Variants in RNF13 observed in about 807,000 individuals in gnomAD.
The protein encoded by RNF13 is ring finger protein 13, also known as E3 ubiquitin-protein ligase RNF13.
A neutral mutation model predicts 37.7 loss-of-function variants in RNF13; 19 were observed. The ratio of observed to expected loss-of-function variants is 0.50; its 90% confidence interval spans 0.35 to 0.74. The LOEUF (loss-of-function observed/expected upper bound fraction) is 0.74, where lower values mean the gene tolerates loss of function less well. Ranked by LOEUF, RNF13 falls within the 30% of genes least tolerant of loss-of-function variation. The pLI is 0.01. For missense variants in RNF13, 375 were observed against 453.0 expected, an observed-to-expected ratio of 0.83 and a Z score of 1.56; for synonymous variants, 144 against 157.8, an observed-to-expected ratio of 0.91 and a Z score of 0.65.
At position 149,875,185 on chromosome 3, in the gene RNF13, G is replaced by A. The variant is rs150143226; in HGVS notation, c.321+3031G>A. On this transcript the variant is annotated intron_variant, in intron 4 of 9. Transcript: ENST00000392894. ...ACATAATACTACAATTGATGGTAGTGCAGGGTTATATTTTGGCATGCCTCT... is the reference window on the plus strand; with the variant it reads ...ACATAATACTACAATTGATGGTAGTACAGGGTTATATTTTGGCATGCCTCT... 7.2e-5 allele frequency among the ~76,000 whole-genome samples: 11 copies of A among 152,202 alleles called. No individual in the cohort carries two copies. In the East Asian group the frequency reaches 1.9e-3, roughly 27 times the overall value.
At chr3:149,876,672 C>T (rs1426278750) in intron 4 of RNF13, among the ~76,000 whole-genome samples, 1 of 151,358 alleles carries the variant, frequency 6.6e-6, no homozygotes, top group African/African-American at 2.4e-5. Flanking sequence ...CCTCCTTCTA[C>T]TTGTCTGTCT....
intron 1 of RNF13, among the ~76,000 whole-genome samples, chr3:149,844,414 A>G (rs1048070519): frequency 4.6e-5 from 7 of 152,228 alleles, no homozygotes; most frequent in African/African-American, 1.7e-4. Flanking sequence ...AATGTTTACC[A>G]GGGAAGCTCA....
chr3:149,841,813 A>G (rs1722209092), intron 1 of RNF13, among the ~76,000 whole-genome samples: 1 of 152,040 alleles, frequency 6.6e-6, no homozygotes, highest in South Asian at 2.1e-4. Context: ...TATTTTTAGT[A>G]GAGACGGGGT....
intron 1 of RNF13, among the ~76,000 whole-genome samples, chr3:149,824,951 A>G (rs1055182586): frequency 6.9e-6 from 1 of 144,308 alleles, no homozygotes; most frequent in Non-Finnish European, 1.5e-5. Context: ...CCTGTTAGTT[A>G]TTTTTCCTGA....
At chr3:149,910,514 A>T (rs1164884374) in intron 6 of RNF13, among the ~76,000 whole-genome samples, 3 of 152,204 alleles carry the variant, frequency 2.0e-5, no homozygotes, top group Non-Finnish European at 4.4e-5. Flanking sequence ...AAATAATAGC[A>T]TAAAGATTTA....
chr3:149,828,154 T>C (rs16862269), intron 1 of RNF13, among the ~76,000 whole-genome samples: 1,824 of 152,304 alleles, frequency 0.012, 30 homozygotes, highest in African/African-American at 0.041. Context: ...GTTCATTTAG[T>C]CAGTCAGTTA....
chr3:149,910,774 T>C (rs1716923251), intron 6 of RNF13, among the ~76,000 whole-genome samples: 1 of 152,210 alleles, frequency 6.6e-6, no homozygotes, highest in African/African-American at 2.4e-5. Flanking sequence ...CCCAATGGAT[T>C]CATCTGTCAT....
chr3:149,947,871 ATGT>A lies in RNF13; in HGVS notation c.701-12184_701-12182del, dbSNP rs1264674400. On this transcript the variant is annotated intron_variant, in intron 8 of 9. Transcript: ENST00000392894. Reference sequence around the variant, plus strand: ...TCTTAAAGTCTATTCTGTTTGATATATGTATGGCCACTCCTGCTCTCCAGTTTC... The same window carrying A: ...TCTTAAAGTCTATTCTGTTTGATATAATGGCCACTCCTGCTCTCCAGTTTC... Among the ~76,000 whole-genome samples the A allele has an allele frequency of 3.9e-5, 6 of 152,098 alleles. No homozygotes were observed. In the East Asian group the frequency reaches 1.2e-3, roughly 29 times the overall value.
At chr3:149,816,646 A>G (rs1252316396) in intron 1 of RNF13, among the ~76,000 whole-genome samples, 1 of 152,136 alleles carries the variant, frequency 6.6e-6, no homozygotes, top group Non-Finnish European at 1.5e-5. Flanking sequence ...AAAGCAGAAT[A>G]CATTTGGTAA....
At chr3:149,830,821 AGAG>A (rs748496157) in intron 1 of RNF13, among the ~76,000 whole-genome samples, 1 of 152,218 alleles carries the variant, frequency 6.6e-6, no homozygotes, top group East Asian at 1.9e-4. Flanking sequence ...TCACACGCCC[AGAG>A]GCCTAGGAGG....
At chr3:149,953,292 G>A (rs554213032) in intron 8 of RNF13, among the ~76,000 whole-genome samples, 2 of 152,222 alleles carry the variant, frequency 1.3e-5, no homozygotes, top group South Asian at 4.1e-4. Context: ...CTAATGCAAT[G>A]CTCTTTCCCT....
chr3:149,939,178 GT>G, intron 8 of RNF13: 1 of 514,742 alleles, frequency 1.9e-6, no homozygotes, highest in Non-Finnish European at 3.8e-6. Context: ...GGTGTTGATG[GT>G]TTTCAGTCTT....
At chr3:149,934,657 CTT>C (rs765637115) in intron 8 of RNF13, among the ~76,000 whole-genome samples, 2 of 143,422 alleles carry the variant, frequency 1.4e-5, no homozygotes, top group Admixed American at 6.9e-5. Flanking sequence ...TTCAAAGTTC[CTT>C]TTTTTTTTTT....
chr3:149,872,618 TGTATG>T (rs1712206201), intron 4 of RNF13, among the ~76,000 whole-genome samples: 1 of 152,182 alleles, frequency 6.6e-6, no homozygotes, highest in Admixed American at 6.5e-5. Context: ...CTGCTCTAGG[TGTATG>T]GTTTTTTAAA....
chr3:149,860,271 ATATATAT>A (rs1215227235), intron 3 of RNF13, among the ~76,000 whole-genome samples: 64 of 81,966 alleles, frequency 7.8e-4, no homozygotes, highest in African/African-American at 2.1e-3. Context: ...AAAAAAAAAA[ATATATAT>A]ATATATATAT....
chr3:149,931,799 C>G (rs1559959634), intron 8 of RNF13, among the ~76,000 whole-genome samples: 1 of 152,300 alleles, frequency 6.6e-6, no homozygotes, highest in East Asian at 1.9e-4. Context: ...CTTATTCCTT[C>G]TAACTGTTTT....
At chr3:149,846,306 T>C (rs1008639415) in intron 2 of RNF13, among the ~76,000 whole-genome samples, 166 bp downstream of exon 2, 1 of 152,104 alleles carries the variant, frequency 6.6e-6, no homozygotes, top group Non-Finnish European at 1.5e-5. Flanking sequence ...TATTCATTTG[T>C]TTATTTATTT....
chr3:149,912,104 T>A, intron 7 of RNF13, 21 bp downstream of exon 7: 4 of 1,209,600 alleles, frequency 3.3e-6, no homozygotes, highest in Non-Finnish European at 4.8e-6. Flanking sequence ...TAACTTTTAA[T>A]AATTTTTAAA....
At chr3:149,853,341 C>A (rs927587161) in intron 3 of RNF13, among the ~76,000 whole-genome samples, 3 of 152,020 alleles carry the variant, frequency 2.0e-5, no homozygotes, top group African/African-American at 7.2e-5. Flanking sequence ...CTGAGACTGT[C>A]CTTTTCCCTA....
Sources: gnomAD v4.1 joint callset for allele counts (sites outside exome capture counted in the v4.1 genomes callset) on GRCh38, gnomAD v4.1.1 for gene constraint, MANE v1.5 for transcripts, NCBI Gene and HGNC (gene_info 2026-07-23, HGNC 2026-07-21) for gene names.